Variants in GMPR observed in about 807,000 individuals in gnomAD.
GMPR encodes the protein GMP reductase 1.
In GMPR, 31 loss-of-function variants were observed where a neutral mutation model predicts 38.4. That is an observed-to-expected ratio of 0.81 (90% CI 0.61 to 1.09). GMPR has a LOEUF of 1.09. Ranked by LOEUF, GMPR falls within the 50% of genes least tolerant of loss-of-function variation. The probability of loss-of-function intolerance (pLI) is 0.00; values close to 1 mark genes in which losing one functional copy is unlikely to be tolerated. For synonymous variants in GMPR, 162 were observed against 173.3 expected (o/e 0.93, Z 0.51); for missense variants, 468 against 453.7 (o/e 1.03, Z -0.29).
intron 6 of GMPR, among the ~76,000 whole-genome samples, chr6:16,279,719 G>C (rs1759542901): frequency 6.6e-6 from 1 of 152,224 alleles, no homozygotes; most frequent in Non-Finnish European, 1.5e-5. Flanking sequence ...AGTGACCTGA[G>C]AGGGGCAGGC....
At position 16,295,280 on chromosome 6, in the gene GMPR, G is replaced by C; in HGVS notation, c.*94G>C. 1.1e-6 allele frequency: 1 copy of C among 931,050 alleles called. No homozygotes were observed. Among genetic ancestry groups the C allele is most frequent in the Non-Finnish European group, 1.5e-6 (1 of 656,956 alleles). 57.7% of individuals were successfully genotyped at this position (931,050 alleles called of 1,614,324 possible). A position where few individuals can be genotyped will look rare whatever the true frequency, so the allele number is the denominator to read the frequency against. ...GTCTGTTCCGTCAGAGCTTCTGGCT[G>C]CTCCTGAATGGTGGAATGCTGTGTC... On this transcript the variant is annotated 3_prime_UTR_variant, in exon 9 of 9. Coordinates refer to ENST00000259727, the MANE Select transcript of GMPR (RefSeq NM_006877.4).
chr6:16,280,972 G>T (rs1759561223), intron 6 of GMPR, among the ~76,000 whole-genome samples: 1 of 152,170 alleles, frequency 6.6e-6, no homozygotes, highest in African/African-American at 2.4e-5. Context: ...TAGTTTACAG[G>T]GCTGTTTGGC....
chr6:16,265,137 G>GA (rs1428095060), intron 4 of GMPR, among the ~76,000 whole-genome samples: 7 of 152,278 alleles, frequency 4.6e-5, no homozygotes, highest in African/African-American at 1.7e-4. Flanking sequence ...AAAGTTTGTA[G>GA]AAACAGAATA....
At chr6:16,278,544 C>T (rs998421001) in intron 5 of GMPR, among the ~76,000 whole-genome samples, 12 of 152,128 alleles carry the variant, frequency 7.9e-5, no homozygotes, top group African/African-American at 2.9e-4. Context: ...GAGGGGAAGG[C>T]GATGTCTGGG....
At chr6:16,273,652 A>G (rs1317946300) in intron 4 of GMPR, among the ~76,000 whole-genome samples, 1 of 151,890 alleles carries the variant, frequency 6.6e-6, no homozygotes, top group Admixed American at 6.6e-5. Flanking sequence ...GCACACTGCT[A>G]TTTTCTTAAC....
At chr6:16,289,195 C>T (rs1759770730) in intron 7 of GMPR, among the ~76,000 whole-genome samples, 2 of 152,144 alleles carry the variant, frequency 1.3e-5, no homozygotes, top group African/African-American at 4.8e-5. Flanking sequence ...AGCGCAGACC[C>T]CAACCCCACC....
intron 4 of GMPR, among the ~76,000 whole-genome samples, chr6:16,271,661 G>A (rs1041403974): frequency 6.6e-6 from 1 of 151,662 alleles, no homozygotes; most frequent in Admixed American, 6.6e-5. Flanking sequence ...GCTGTTCCTC[G>A]CACTATAAAA....
Position 16,295,249 on chromosome 6 carries a change from C to A in GMPR, c.*63C>A. 1 of 1,251,764 alleles carries A rather than the reference C, an allele frequency of 8.0e-7. No individual in the cohort carries two copies. Among genetic ancestry groups the A allele is most frequent in the South Asian group, 1.6e-5 (1 of 60,988 alleles). 77.5% of individuals were successfully genotyped at this position (1,251,764 alleles called of 1,614,324 possible). A position where few individuals can be genotyped will look rare whatever the true frequency, so the allele number is the denominator to read the frequency against. On this transcript the variant is annotated 3_prime_UTR_variant, in exon 9 of 9. Coordinates refer to ENST00000259727, the MANE Select transcript of GMPR (RefSeq NM_006877.4). ...GTCCAAACCTGCTTTTCCCATCTCC[C>A]CCCAAGTCTGTTCCGTCAGAGCTTC...
chr6:16,260,788 A>G (rs543718907), intron 4 of GMPR, among the ~76,000 whole-genome samples: 2 of 151,890 alleles, frequency 1.3e-5, no homozygotes, highest in Non-Finnish European at 2.9e-5. Flanking sequence ...AGAAGGAAAT[A>G]TGGGGAAATG....
intron 1 of GMPR, among the ~76,000 whole-genome samples, chr6:16,243,726 C>T (rs1758702072): frequency 6.6e-6 from 1 of 152,172 alleles, no homozygotes; most frequent in Non-Finnish European, 1.5e-5. Context: ...AATTGCATCC[C>T]TCCTCACTGG....
chr6:16,285,907 A>G (rs1759670462), intron 7 of GMPR, 72 bp downstream of exon 7: 3 of 1,262,856 alleles, frequency 2.4e-6, no homozygotes, highest in Non-Finnish European at 3.4e-6. Context: ...TCCAGCTGGC[A>G]ACCTGAATGA....
chr6:16,266,673 C>T (rs1244341397), intron 4 of GMPR, among the ~76,000 whole-genome samples: 2 of 151,324 alleles, frequency 1.3e-5, no homozygotes, highest in African/African-American at 2.4e-5. Flanking sequence ...TAGCCGGGCG[C>T]AGTGGCGGGC....
intron 4 of GMPR, among the ~76,000 whole-genome samples, chr6:16,260,263 A>C (rs1054973689): frequency 5.8e-4 from 88 of 152,170 alleles, no homozygotes; most frequent in Non-Finnish European, 8.1e-4. Flanking sequence ...TAAAGGTTTC[A>C]CTGAATACTA....
rs768692695 is a variant in GMPR at position 16,254,719 on chromosome 6, C to T, written c.449C>T (p.Pro150Leu). The change falls in exon 4 of 9, where the codon CCT becomes CTT. Residue 150 changes from proline to leucine, a missense_variant. Coordinates refer to ENST00000259727, the MANE Select transcript of GMPR (RefSeq NM_006877.4). The stretch of plus-strand genomic sequence containing the variant: ...GTGAAACTTGTCCGTGCCAAATTTC[C>T]TGAACACACCATTATGGTAAGTACG... The part of the protein sequence containing the change: ...EFVKLVRAKF[P>L]EHTIMAGNVV... 2 of 1,612,630 alleles carry T rather than the reference C, an allele frequency of 1.2e-6. No homozygotes were observed. Among genetic ancestry groups the T allele is most frequent in the Admixed American group, 3.3e-5 (2 of 60,018 alleles).
At chr6:16,290,277 T>C (rs897614834) in intron 7 of GMPR, 185 bp from the exon 8 acceptor site, 17 of 657,954 alleles carry the variant, frequency 2.6e-5, no homozygotes, top group Non-Finnish European at 4.4e-5. Context: ...CATGGCCCTT[T>C]CTCCCTGCAT....
In GMPR at chr6:16,274,506, G is replaced by C; in HGVS notation, c.547+10G>C. On this transcript the variant is annotated intron_variant, in intron 5 of 8. Coordinates refer to ENST00000259727, the MANE Select transcript of GMPR (RefSeq NM_006877.4). The stretch of plus-strand genomic sequence containing the variant: ...GTGGGAGTTGGACCAGGTAAGACTT[G>C]TTAGGAGCACAGCAGAGGACGTGTG... The C allele has an allele frequency of 1.3e-6, 2 of 1,513,176 alleles. No homozygotes were observed. The highest frequency in any genetic ancestry group is 1.7e-4 in the Middle Eastern group (1 of 5,894). The allele number at this position is 1,513,176 out of a possible 1,614,324, so 93.7% of individuals were successfully genotyped here.
At chr6:16,285,147 A>G (rs997789230) in intron 6 of GMPR, among the ~76,000 whole-genome samples, 10 of 152,082 alleles carry the variant, frequency 6.6e-5, no homozygotes, top group Non-Finnish European at 1.0e-4. Context: ...CTTGCTGGGC[A>G]GCCCAAGATA....
chr6:16,267,807 TTAGA>T (rs1383913641), intron 4 of GMPR, among the ~76,000 whole-genome samples: 1 of 152,160 alleles, frequency 6.6e-6, no homozygotes, highest in East Asian at 1.9e-4. Context: ...TGTGTTCAGA[TTAGA>T]TAGAGGCCAA....
chr6:16,262,817 G>A (rs531211568), intron 4 of GMPR: 174 of 152,138 alleles, frequency 1.1e-3, no homozygotes, highest in African/African-American at 4.0e-3. Context: ...ATGAAAAAGA[G>A]CCTAAACGCT....
Sources: allele counts gnomAD v4.1 joint callset (sites outside exome capture counted in the v4.1 genomes callset), GRCh38; gene constraint gnomAD v4.1.1; transcripts MANE v1.5; gene names NCBI Gene and HGNC (gene_info 2026-07-23, HGNC 2026-07-21).